The following ERCC6L variants were observed in gnomAD, a reference collection of about 807,000 sequenced individuals.
The protein encoded by ERCC6L is DNA excision repair protein ERCC-6-like.
In ERCC6L, 7 loss-of-function variants were observed where a neutral mutation model predicts 20.1. The ratio of observed to expected loss-of-function variants is 0.35; its 90% CI spans 0.20 to 0.65. The LOEUF (loss-of-function observed/expected upper bound fraction) is 0.65, where lower values mean the gene tolerates loss of function less well. Among genes scored for constraint, ERCC6L ranks in the 30% least tolerant of loss-of-function variants. The pLI, the probability that ERCC6L is intolerant of heterozygous loss-of-function variation, is 0.69. For synonymous variants in ERCC6L, 278 were observed against 331.3 expected, an observed-to-expected ratio of 0.84 and a Z score of 1.75; for missense variants, 592 against 892.4, an observed-to-expected ratio of 0.66 and a Z score of 4.29.
chrX:72,224,596 A>G (rs1472125073), intron 1 of ERCC6L, among the ~76,000 whole-genome samples: 1 of 111,168 alleles, frequency 9.0e-6, no homozygotes, highest in Admixed American at 9.6e-5. Context: ...AAAATGCAAA[A>G]TTAACTGGGC....
intron 1 of ERCC6L, among the ~76,000 whole-genome samples, chrX:72,225,086 G>T (rs1016465792): frequency 3.6e-5 from 4 of 111,608 alleles, no homozygotes; most frequent in Non-Finnish European, 7.5e-5. Context: ...TTATCCTATT[G>T]TTCCCAAACC....
At chrX:72,210,086 C>A (rs745770776) in intron 1 of ERCC6L, among the ~76,000 whole-genome samples, 1 of 108,419 alleles carries the variant, frequency 9.2e-6, no homozygotes, top group Non-Finnish European at 1.9e-5. Flanking sequence ...TATACAGGGC[C>A]GGGTGCGGTG....
chrX:72,206,227 G>A lies in ERCC6L; in HGVS notation c.2540C>T (p.Thr847Ile), dbSNP rs748360100. The A allele has an allele frequency of 5.0e-6, 6 of 1,210,019 alleles. No homozygotes were observed. The highest frequency in any genetic ancestry group is 2.2e-5 in the Admixed American group (1 of 45,673). The change falls in exon 2 of 2, where the codon ACA (threonine) becomes ATA (isoleucine). Residue 847 changes from threonine (T) to isoleucine (I), a missense_variant. Physicochemically the swap from Thr to Ile is moderately conservative, Grantham distance 89. This residue lies in a region of ERCC6L where 352 missense variants were observed against 402.6 expected (regional missense o/e 0.87). Transcript: ENST00000334463. Reference sequence around the variant, plus strand: ...CTCTTGCTTAGGCCCCTCTTGTAATGTCTCTTTTTGTACAGCTTCATTTTT... The same window carrying A: ...CTCTTGCTTAGGCCCCTCTTGTAATATCTCTTTTTGTACAGCTTCATTTTT... ...ATKNEAVQKE[T>I]LQEGPKQEAL...
At position 72,206,790 on chromosome X, in the gene ERCC6L, A is replaced by G. The variant is rs1257437846; in HGVS notation, c.1977T>C (p.His659=). The change falls in exon 2 of 2, where the codon CAT becomes CAC. Residue 659 remains histidine, a synonymous_variant. Transcript: ENST00000334463. The part of the protein sequence containing the change: ...QRKSDIKLDE[H]IAYLQSLGIA... ...TCCCCAAAGACTGCAGGTAGGCAAT[A>G]TGTTCATCTAGTTTTATATCAGATT... 7 of 1,210,644 alleles carry G rather than the reference A, an allele frequency of 5.8e-6. No individual in the cohort carries two copies. In the Admixed American group the frequency reaches 1.1e-4, roughly 19 times the overall value.
At chrX:72,229,833 T>C (rs889013460) in intron 1 of ERCC6L, among the ~76,000 whole-genome samples, 4 of 111,726 alleles carry the variant, frequency 3.6e-5, no homozygotes, top group African/African-American at 1.3e-4. Context: ...TTCCATAACA[T>C]ACTTTAAGGC....
chrX:72,217,833 T>C (rs986312432), intron 1 of ERCC6L, among the ~76,000 whole-genome samples: 1 of 112,230 alleles, frequency 8.9e-6, no homozygotes, highest in Non-Finnish European at 1.9e-5. Context: ...AAGAACAGTG[T>C]AGAACTCTTG....
chrX:72,221,916 C>A (rs1176501197), intron 1 of ERCC6L, among the ~76,000 whole-genome samples: 3 of 110,147 alleles, frequency 2.7e-5, no homozygotes, highest in Non-Finnish European at 5.7e-5. Flanking sequence ...TCCAAAACCC[C>A]TTCCCTCGAA....
chrX:72,229,104 C>G (rs890917227), intron 1 of ERCC6L, among the ~76,000 whole-genome samples: 1 of 111,600 alleles, frequency 9.0e-6, no homozygotes, highest in African/African-American at 3.3e-5. Flanking sequence ...CCTCAAGCCT[C>G]AAGACTCTCC....
In ERCC6L at chrX:72,205,448, C is replaced by T. The variant is rs772332054; in HGVS notation, c.3319G>A (p.Val1107Met). The T allele has an allele frequency of 1.1e-5, 13 of 1,210,324 alleles. No individual in the cohort carries two copies. Among genetic ancestry groups the T allele is most frequent in the East Asian group, 3.0e-5 (1 of 33,776 alleles). The change falls in exon 2 of 2, where the codon GTG becomes ATG. Residue 1107 changes from valine to methionine, a missense_variant. Transcript: ENST00000334463. ...TCAAGTCTTTCCTCCATGTCCTCCACGTGGTCTAAAACCATATTAATAAGA... is the reference window on the plus strand; with the variant it reads ...TCAAGTCTTTCCTCCATGTCCTCCATGTGGTCTAAAACCATATTAATAAGA... ...RSLINMVLDH[V>M]EDMEERLDDS...
In ERCC6L at chrX:72,204,892, G is replaced by C. The variant is rs2147580580; in HGVS notation, c.*122C>G. Reference sequence around the variant, plus strand: ...TGGGGGGCGTTGCAGGGCAGAAGTTGCTTTTTGAGATCTTTCTTGCCTTAA... The same window carrying C: ...TGGGGGGCGTTGCAGGGCAGAAGTTCCTTTTTGAGATCTTTCTTGCCTTAA... On this transcript the variant is annotated 3_prime_UTR_variant, in exon 2 of 2. Coordinates refer to ENST00000334463, the MANE Select transcript of ERCC6L (RefSeq NM_017669.4). 1 of 561,596 alleles carries C rather than the reference G, an allele frequency of 1.8e-6. No individual in the cohort carries two copies. Among genetic ancestry groups the C allele is most frequent in the Non-Finnish European group, 2.7e-6 (1 of 373,821 alleles). The allele number at this position is 561,596 out of a possible 1,213,427, so 46.3% of individuals were successfully genotyped here.
intron 1 of ERCC6L, among the ~76,000 whole-genome samples, chrX:72,213,162 TGA>T (rs2042866260): frequency 9.0e-6 from 1 of 111,461 alleles, no homozygotes. Flanking sequence ...AACCCAGTTT[TGA>T]GAGACAGGAC....
At chrX:72,218,742 G>A (rs2042902283) in intron 1 of ERCC6L, among the ~76,000 whole-genome samples, 1 of 111,638 alleles carries the variant, frequency 9.0e-6, no homozygotes, top group East Asian at 2.8e-4. Flanking sequence ...AAAGCCAGCT[G>A]AGATTTTCTT....
intron 1 of ERCC6L, among the ~76,000 whole-genome samples, chrX:72,212,898 G>A (rs1238572787): frequency 9.0e-6 from 1 of 111,420 alleles, no homozygotes; most frequent in Non-Finnish European, 1.9e-5. Flanking sequence ...AGCTATGATC[G>A]TGTCACCACT....
chrX:72,206,280 T>C lies in ERCC6L; in HGVS notation c.2487A>G (p.Ser829=). The change falls in exon 2 of 2, where the codon TCA becomes TCG. Residue 829 remains serine, a synonymous_variant. Transcript: ENST00000334463. ...TTGCAAAGCTTTTTTCCATTCCCAATGAAGAGTTAGTACAAAGTTCTTCTA... is the reference window on the plus strand; with the variant it reads ...TTGCAAAGCTTTTTTCCATTCCCAACGAAGAGTTAGTACAAAGTTCTTCTA... ...GSVEELCTNS[S]LGMEKSFATK... 8.3e-7 allele frequency: 1 copy of C among 1,208,600 alleles called. No individual in the cohort carries two copies. The highest frequency in any genetic ancestry group is 1.8e-5 in the South Asian group (1 of 56,129).
chrX:72,207,939 T>C lies in ERCC6L; in HGVS notation c.828A>G (p.Gln276=). 8.3e-7 allele frequency: 1 copy of C among 1,211,892 alleles called. No individual in the cohort carries two copies. The highest frequency in any genetic ancestry group is 1.7e-5 in the African/African-American group (1 of 57,898). The change falls in exon 2 of 2, where the codon CAA becomes CAG. Residue 276 remains glutamine, a synonymous_variant. Transcript: ENST00000334463. ...ELWSLFDFAC[Q]GSLLGTLKTF... ...TTTTTAATGTTCCCAGCAGGGACCC[T>C]TGACAAGCAAAATCAAATAGGGACC...
In ERCC6L at chrX:72,206,729, A is replaced by G. The variant is rs754886880; in HGVS notation, c.2038T>C (p.Cys680Arg). The G allele has an allele frequency of 9.1e-6, 11 of 1,209,570 alleles. No individual in the cohort carries two copies. The highest frequency in any genetic ancestry group is 1.1e-6 in the Non-Finnish European group (1 of 895,224). Residue 680 changes from cysteine to arginine, a missense_variant, in exon 2 of 2, where the codon TGT (cysteine) becomes CGT (arginine). Cys to Arg is a radical substitution (Grantham distance 180). Coordinates refer to ENST00000334463, the MANE Select transcript of ERCC6L (RefSeq NM_017669.4). Reference protein sequence around the residue: ...GISDHDLMYTCDLSVKEELDV... With the variant: ...GISDHDLMYTRDLSVKEELDV... ...AGCTCTTCTTTAACAGACAGATCAC[A>G]TGTGTACATCAAATCATGGTCTGAG...
chrX:72,234,204 T>C (rs768509332), intron 1 of ERCC6L, among the ~76,000 whole-genome samples: 12 of 112,065 alleles, frequency 1.1e-4, no homozygotes, highest in Non-Finnish European at 2.3e-4. Context: ...TCTTAGAAGA[T>C]ATGAGGAGGA....
intron 1 of ERCC6L, among the ~76,000 whole-genome samples, chrX:72,214,519 A>C (rs1053039041): frequency 2.7e-5 from 3 of 109,723 alleles, no homozygotes; most frequent in African/African-American, 6.7e-5. Flanking sequence ...CTAAAAATAC[A>C]AAAATTAGCC....
chrX:72,229,197 G>A (rs1488945676), intron 1 of ERCC6L, among the ~76,000 whole-genome samples: 1 of 111,409 alleles, frequency 9.0e-6, no homozygotes, highest in Non-Finnish European at 1.9e-5. Context: ...AAATCTCCCT[G>A]TAGGATCCTT....
Sources: allele counts gnomAD v4.1 joint callset (sites outside exome capture counted in the v4.1 genomes callset), GRCh38; gene constraint gnomAD v4.1.1; regional missense constraint gnomAD v4.1.1; transcripts MANE v1.5; gene names NCBI Gene and HGNC (gene_info 2026-07-23, HGNC 2026-07-21).